GRIN2B: variants seen among roughly 807,000 people sequenced by gnomAD.
The protein encoded by GRIN2B is glutamate receptor ionotropic, NMDA 2B.
A neutral mutation model predicts 114.5 loss-of-function variants in GRIN2B; 5 were observed. The observed-to-expected ratio is 0.04, with a 90% CI of 0.02 to 0.09. The LOEUF (loss-of-function observed/expected upper bound fraction) is 0.09, where lower values mean the gene tolerates loss of function less well. Among genes scored for constraint, GRIN2B ranks in the 10% least tolerant of loss-of-function variants. The probability of loss-of-function intolerance (pLI) is 1.00; values close to 1 mark genes in which losing one functional copy is unlikely to be tolerated. For synonymous variants in GRIN2B, 787 were observed against 745.1 expected (o/e 1.06, Z -0.92); for missense variants, 1,108 against 1,943.5 (o/e 0.57, Z 8.08).
At chr12:13,776,743 A>G in intron 3 of GRIN2B, among the ~76,000 whole-genome samples, 1 of 152,192 alleles carries the variant, frequency 6.6e-6, no homozygotes, top group Non-Finnish European at 1.5e-5. Context: ...TTCAGATAAA[A>G]AGATGAATAT....
chr12:13,569,205 G>C (rs1440076836), intron 12 of GRIN2B, among the ~76,000 whole-genome samples: 1 of 152,116 alleles, frequency 6.6e-6, no homozygotes, highest in Non-Finnish European at 1.5e-5. Flanking sequence ...CTTTCAGCTT[G>C]TTATGGGTTG....
At chr12:13,773,464 G>A (rs747753066) in intron 3 of GRIN2B, among the ~76,000 whole-genome samples, 1 of 152,208 alleles carries the variant, frequency 6.6e-6, no homozygotes, top group Non-Finnish European at 1.5e-5. Context: ...CTTCTTTAAG[G>A]TGAACACAGA....
intron 5 of GRIN2B, among the ~76,000 whole-genome samples, chr12:13,664,985 A>ACATCTTCT (rs1949959407): frequency 1.3e-5 from 2 of 152,312 alleles, no homozygotes; most frequent in African/African-American, 4.8e-5. Context: ...TTAATTCAGA[A>ACATCTTCT]GATGACTATT....
intron 3 of GRIN2B, among the ~76,000 whole-genome samples, chr12:13,844,613 C>T (rs1215964289): frequency 6.6e-6 from 1 of 152,152 alleles, no homozygotes; most frequent in Non-Finnish European, 1.5e-5. Flanking sequence ...TCTCTTGCAG[C>T]CATTAACTTA....
intron 3 of GRIN2B, among the ~76,000 whole-genome samples, chr12:13,812,789 T>C (rs1456664966): frequency 6.6e-6 from 1 of 152,126 alleles, no homozygotes; most frequent in African/African-American, 2.4e-5. Context: ...ATGAAACTAT[T>C]TGCATTGGAA....
chr12:13,918,733 T>C (rs1866772725), intron 2 of GRIN2B, among the ~76,000 whole-genome samples: 1 of 152,270 alleles, frequency 6.6e-6, no homozygotes, highest in South Asian at 2.1e-4. Context: ...GATTGATTCA[T>C]AAACTACACA....
At chr12:13,944,981 T>A (rs529615952) in intron 2 of GRIN2B, among the ~76,000 whole-genome samples, 1 of 152,340 alleles carries the variant, frequency 6.6e-6, no homozygotes, top group Non-Finnish European at 1.5e-5. Context: ...TTAATTTGTA[T>A]GATTCCAGTA....
chr12:13,732,514 C>T (rs753530457), intron 4 of GRIN2B, among the ~76,000 whole-genome samples: 6 of 152,206 alleles, frequency 3.9e-5, no homozygotes, highest in Non-Finnish European at 4.4e-5. Flanking sequence ...CAAGATGTAT[C>T]AAGGCTGTAA....
chr12:13,734,258 A>G (rs1230188146), intron 4 of GRIN2B, among the ~76,000 whole-genome samples: 1 of 152,222 alleles, frequency 6.6e-6, no homozygotes, highest in African/African-American at 2.4e-5. Flanking sequence ...TGTTATAGAA[A>G]TCTAGGCACA....
intron 3 of GRIN2B, among the ~76,000 whole-genome samples, chr12:13,859,506 A>T (rs1865718303): frequency 6.6e-6 from 1 of 152,224 alleles, no homozygotes; most frequent in Non-Finnish European, 1.5e-5. Context: ...CAAAGTTTCC[A>T]GTGCCTTAGA....
intron 2 of GRIN2B, among the ~76,000 whole-genome samples, chr12:13,960,260 G>A (rs955805319): frequency 1.3e-5 from 2 of 152,122 alleles, no homozygotes; most frequent in African/African-American, 4.8e-5. Context: ...GCCAGGTACT[G>A]TTCTAAGTCC....
At position 13,540,912 on chromosome 12, in the gene GRIN2B, C is replaced by T. The variant is rs1434848037; in HGVS notation, c.*21871G>A. On this transcript the variant is annotated 3_prime_UTR_variant, in exon 14 of 14. Coordinates refer to ENST00000609686, the MANE Select transcript of GRIN2B (RefSeq NM_000834.5). Reference sequence around the variant, plus strand: ...TCACACAGGAAAGCTATGACCATTTCCCCTCTGCCATGTGACTTTGGGAGG... The same window carrying T: ...TCACACAGGAAAGCTATGACCATTTTCCCTCTGCCATGTGACTTTGGGAGG... 6.6e-6 allele frequency: 1 copy of T among 152,214 alleles called. No individual in the cohort carries two copies. Among genetic ancestry groups the T allele is most frequent in the Non-Finnish European group, 1.5e-5 (1 of 68,060 alleles). The allele number at this position is 152,214 out of a possible 1,614,324, so 9.4% of individuals were successfully genotyped here.
chr12:13,944,320 T>A (rs140163824), intron 2 of GRIN2B, among the ~76,000 whole-genome samples: 2 of 152,260 alleles, frequency 1.3e-5, no homozygotes, highest in African/African-American at 4.8e-5. Flanking sequence ...TCACAACACT[T>A]CACACAAGTC....
At chr12:13,847,138 A>G (rs2136722564) in intron 3 of GRIN2B, among the ~76,000 whole-genome samples, 1 of 152,326 alleles carries the variant, frequency 6.6e-6, no homozygotes, top group East Asian at 1.9e-4. Context: ...ATTGAGCTCA[A>G]ACTCTTTTTC....
At chr12:13,599,548 C>G (rs1376882455) in intron 10 of GRIN2B, among the ~76,000 whole-genome samples, 1 of 152,164 alleles carries the variant, frequency 6.6e-6, no homozygotes, top group African/African-American at 2.4e-5. Context: ...AACATTAATT[C>G]TTAATAAATT....
chr12:13,771,890 CA>C (rs1197592801), intron 3 of GRIN2B, among the ~76,000 whole-genome samples: 4 of 152,236 alleles, frequency 2.6e-5, no homozygotes. Context: ...TCCTTCAATG[CA>C]ACCTAGAACA....
At chr12:13,962,664 G>A (rs1010814631) in intron 2 of GRIN2B, among the ~76,000 whole-genome samples, 2 of 152,222 alleles carry the variant, frequency 1.3e-5, no homozygotes, top group Admixed American at 1.3e-4. Context: ...GCCCGGCAGA[G>A]GACTGGATTA....
At chr12:13,761,101 C>A (rs1863673289) in intron 3 of GRIN2B, among the ~76,000 whole-genome samples, 1 of 152,148 alleles carries the variant, frequency 6.6e-6, no homozygotes, top group Non-Finnish European at 1.5e-5. Context: ...AAATGCCAGA[C>A]CCATTCTTTC....
At chr12:13,722,182 C>T (rs1397027212) in intron 4 of GRIN2B, among the ~76,000 whole-genome samples, 1 of 152,082 alleles carries the variant, frequency 6.6e-6, no homozygotes, top group Non-Finnish European at 1.5e-5. Context: ...ATAGACAACT[C>T]TTTCAAGATG....
Sources: gnomAD v4.1 joint callset for allele counts (sites outside exome capture counted in the v4.1 genomes callset) on GRCh38, gnomAD v4.1.1 for gene constraint, MANE v1.5 for transcripts, NCBI Gene and HGNC (gene_info 2026-07-23, HGNC 2026-07-21) for gene names.